NDUFA10: variants seen among roughly 807,000 people sequenced by gnomAD.
The protein encoded by NDUFA10 is NADH dehydrogenase [ubiquinone] 1 alpha subcomplex subunit 10, mitochondrial.
NDUFA10 carries 40 observed loss-of-function variants against 47.8 expected under a neutral mutation model. The ratio of observed to expected loss-of-function variants is 0.84; its 90% CI spans 0.65 to 1.09. The LOEUF (loss-of-function observed/expected upper bound fraction) is 1.09. Ranked by LOEUF, NDUFA10 falls within the 50% of genes least tolerant of loss-of-function variation. The pLI, the probability that NDUFA10 is intolerant of heterozygous loss-of-function variation, is 0.00. For synonymous variants in NDUFA10, 183 were observed against 172.2 expected (o/e 1.06, Z -0.49); for missense variants, 413 against 451.1 (o/e 0.92, Z 0.76).
intron 7 of NDUFA10, among the ~76,000 whole-genome samples, chr2:240,006,899 G>A (rs944997386): frequency 2.0e-5 from 3 of 152,176 alleles, no homozygotes; most frequent in African/African-American, 7.2e-5. Context: ...TTCTTCAGAT[G>A]TTTTAATGTT....
chr2:239,924,421 T>G (rs113636925), intron 4 of NDUFA10, among the ~76,000 whole-genome samples: 1,893 of 151,856 alleles, frequency 0.012, 27 homozygotes, highest in African/African-American at 0.03. Flanking sequence ...CATCAACAGG[T>G]AAACAGGTAA....
intron 1 of NDUFA10, among the ~76,000 whole-genome samples, chr2:240,023,346 CA>C (rs1697718588): frequency 6.6e-6 from 1 of 151,876 alleles, no homozygotes; most frequent in Non-Finnish European, 1.5e-5. Context: ...AACCTTGCTA[CA>C]AAAAAACAAA....
chr2:240,010,513 C>A (rs1472514636), intron 6 of NDUFA10, among the ~76,000 whole-genome samples: 1 of 152,156 alleles, frequency 6.6e-6, no homozygotes, highest in African/African-American at 2.4e-5. Flanking sequence ...GGTCAACTAT[C>A]TCTGTTTATG....
At chr2:239,977,352 G>A (rs529856949) in intron 9 of NDUFA10, among the ~76,000 whole-genome samples, 2 of 152,168 alleles carry the variant, frequency 1.3e-5, no homozygotes, top group African/African-American at 2.4e-5. Flanking sequence ...TGAGTATGGC[G>A]TGCTAGGCCC....
At chr2:239,947,631 CAGGGTCCTGTG>C (rs1427362350) in intron 4 of NDUFA10, among the ~76,000 whole-genome samples, 1 of 152,182 alleles carries the variant, frequency 6.6e-6, no homozygotes, top group Non-Finnish European at 1.5e-5. Context: ...CCTCCAGGCC[CAGGGTCCTGTG>C]AGGGTCCTCC....
intron 4 of NDUFA10, among the ~76,000 whole-genome samples, chr2:239,923,490 G>A (rs770608134): frequency 4.1e-4 from 63 of 152,152 alleles, no homozygotes; most frequent in Middle Eastern, 3.4e-3. Context: ...GTATCTCAAA[G>A]CACTTGAAAA....
rs186369759 is a variant in NDUFA10, at chr2:239,925,847, A to G, written c.295-30533T>C. On this transcript the variant is annotated intron_variant, in intron 4 of 5. Coordinates refer to the NDUFA10 transcript ENST00000419408. ...TCAGTCCAGTTAGAAAATGTGCAAA[A>G]GACATGAACAGATATTTCACAAAGA... Among the ~76,000 whole-genome samples, 418 of 152,352 alleles carry G rather than the reference A, an allele frequency of 2.7e-3. 3 individuals carry two copies. The highest frequency in any genetic ancestry group is 0.01 in the Middle Eastern group (3 of 294).
intron 9 of NDUFA10, among the ~76,000 whole-genome samples, chr2:239,965,747 G>A (rs1292878795): frequency 2.0e-5 from 3 of 152,210 alleles, no homozygotes; most frequent in East Asian, 3.8e-4. Context: ...GGCTTCTGCC[G>A]AGTATACACC....
chr2:239,960,973 T>C lies in NDUFA10; in HGVS notation c.*145A>G. On this transcript the variant is annotated 3_prime_UTR_variant, in exon 10 of 10. Transcript: ENST00000252711. ...CCATTACCTATACTACAGGATGGAT[T>C]GCTTTTTGTGAGACCCCTTCTTCCA... is the stretch of plus-strand genomic sequence containing the variant. 6.5e-7 allele frequency: 1 copy of C among 1,538,816 alleles called. No individual in the cohort carries two copies.
Position 240,022,307 on chromosome 2 carries a change from GCA to G in NDUFA10, c.107_108del (p.Leu36ProfsTer12). The G allele has an allele frequency of 6.2e-7, 1 of 1,613,880 alleles. No homozygotes were observed. The highest frequency in any genetic ancestry group is 8.5e-7 in the Non-Finnish European group (1 of 1,179,988). ...RGIHSSVQCK[L>X]RYGMWHFLLG... Reference sequence around the variant, plus strand: ...AGTAGGAAATGCCACATTCCATAGCGCAGTTTGCACTGCACACTGCTATGAAT... The same window carrying G: ...AGTAGGAAATGCCACATTCCATAGCGGTTTGCACTGCACACTGCTATGAAT... On this transcript the variant is annotated frameshift_variant, in exon 2 of 10. Transcript: ENST00000252711. LOFTEE classifies it high-confidence loss of function.
At chr2:239,948,575 C>T (rs761855247) in intron 4 of NDUFA10, among the ~76,000 whole-genome samples, 12 of 152,278 alleles carry the variant, frequency 7.9e-5, no homozygotes, top group Non-Finnish European at 1.6e-4. Context: ...GCTGCCAAGG[C>T]TAAAAGCCCC....
chr2:239,939,523 G>A (rs1447382495), intron 4 of NDUFA10, among the ~76,000 whole-genome samples: 2 of 152,224 alleles, frequency 1.3e-5, no homozygotes, highest in Non-Finnish European at 2.9e-5. Flanking sequence ...GTTTGCTTTT[G>A]CATTTTTAAG....
At chr2:239,911,756 C>G (rs1693760102) in intron 4 of NDUFA10, among the ~76,000 whole-genome samples, 1 of 151,858 alleles carries the variant, frequency 6.6e-6, no homozygotes, top group African/African-American at 2.4e-5. Context: ...CAGCCCATCC[C>G]CCAGTCTCTC....
chr2:239,979,620 C>T (rs1559347398), intron 9 of NDUFA10, among the ~76,000 whole-genome samples: 2 of 152,168 alleles, frequency 1.3e-5, no homozygotes, highest in Non-Finnish European at 2.9e-5. Context: ...CTCTCAGCGC[C>T]CCCGCCCATA....
intron 4 of NDUFA10, among the ~76,000 whole-genome samples, chr2:239,948,431 G>A (rs750891873): frequency 5.3e-5 from 8 of 152,230 alleles, no homozygotes; most frequent in Non-Finnish European, 7.3e-5. Flanking sequence ...GAGTGGCGAC[G>A]GAAAAGTAAC....
At chr2:239,914,928 TACAG>T (rs1693823939) in intron 4 of NDUFA10, among the ~76,000 whole-genome samples, 1 of 131,864 alleles carries the variant, frequency 7.6e-6, no homozygotes, top group South Asian at 2.4e-4. Flanking sequence ...AATATACAGA[TACAG>T]AGAGAGACAC....
rs1454320521 is a variant in NDUFA10, at chr2:239,928,270, T to C, written c.295-32956A>G. 1.3e-5 allele frequency among the ~76,000 whole-genome samples: 2 copies of C among 151,264 alleles called. No individual in the cohort carries two copies. Among genetic ancestry groups the C allele is most frequent in the Non-Finnish European group, 2.9e-5 (2 of 67,882 alleles). The stretch of plus-strand genomic sequence containing the variant: ...ATAATTGTTCCATAACAGAAGAAAA[T>C]GTATACCTCAACTGCTTTCATGTTT... On this transcript the variant is annotated intron_variant, in intron 4 of 5. Coordinates refer to the NDUFA10 transcript ENST00000419408. This position sits in a 1 kb window ranked among gnomAD's most constrained non-coding sequence, Gnocchi z 4.3.
At chr2:239,985,607 GAC>G (rs1245417754) in intron 9 of NDUFA10, among the ~76,000 whole-genome samples, 3 of 152,090 alleles carry the variant, frequency 2.0e-5, no homozygotes, top group Admixed American at 2.0e-4. Flanking sequence ...GAGTAATACA[GAC>G]ACACTGTGGG....
chr2:239,921,597 AG>A (rs1693984166), intron 4 of NDUFA10, among the ~76,000 whole-genome samples: 1 of 151,244 alleles, frequency 6.6e-6, no homozygotes, highest in Non-Finnish European at 1.5e-5. Flanking sequence ...TGCTAGCTAC[AG>A]GGCACTGATT....
Sources: allele counts gnomAD v4.1 joint callset (sites outside exome capture counted in the v4.1 genomes callset), GRCh38; gene constraint gnomAD v4.1.1; non-coding constraint Gnocchi (gnomAD v3.1); transcripts MANE v1.5; gene names NCBI Gene and HGNC (gene_info 2026-07-23, HGNC 2026-07-21).